HDAC8: variants seen among roughly 807,000 people sequenced by gnomAD.
HDAC8 encodes histone deacetylase 8, also known as histone deacetylase-like 1.
HDAC8 carries 1 observed loss-of-function variant against 32.2 expected under a neutral mutation model. That is an observed-to-expected ratio of 0.03 (90% CI 0.01 to 0.15). The LOEUF (loss-of-function observed/expected upper bound fraction) is 0.15. Among genes scored for constraint, HDAC8 ranks in the 10% least tolerant of loss-of-function variants. The pLI is 1.00. For synonymous variants in HDAC8, 108 were observed against 113.9 expected, an observed-to-expected ratio of 0.95 and a Z score of 0.33; for missense variants, 117 against 300.0, an observed-to-expected ratio of 0.39 and a Z score of 4.51.
chrX:72,493,914 C>G (rs2148140087), intron 5 of HDAC8, among the ~76,000 whole-genome samples: 1 of 111,264 alleles, frequency 9.0e-6, no homozygotes, highest in Admixed American at 9.6e-5. Flanking sequence ...GTCTCAAACT[C>G]ATGGTTTCAA....
intron 7 of HDAC8, chrX:72,467,344 A>C (rs1238628228): frequency 8.9e-6 from 1 of 111,827 alleles, no homozygotes; most frequent in Non-Finnish European, 1.9e-5. Flanking sequence ...AGAAGGGTAC[A>C]TGGGACTTCC....
chrX:72,476,233 C>G (rs1556000478), intron 7 of HDAC8, among the ~76,000 whole-genome samples: 1 of 110,120 alleles, frequency 9.1e-6, no homozygotes, highest in African/African-American at 3.3e-5. Flanking sequence ...ATGCAATGCT[C>G]TTGTTACTAA....
intron 5 of HDAC8, among the ~76,000 whole-genome samples, chrX:72,491,457 G>T (rs1191567744): frequency 2.7e-5 from 3 of 112,176 alleles, no homozygotes; most frequent in Non-Finnish European, 5.6e-5. Context: ...GACGTACAAC[G>T]TGATAACCCT....
chrX:72,502,218 T>C (rs60239435), intron 4 of HDAC8, among the ~76,000 whole-genome samples: 51,188 of 110,722 alleles, frequency 0.46, 11,008 homozygotes, highest in African/African-American at 0.84. Flanking sequence ...TATGGTGATT[T>C]CTCAAAGAGT....
chrX:72,543,472 G>T (rs558856203), intron 4 of HDAC8, among the ~76,000 whole-genome samples: 2 of 111,530 alleles, frequency 1.8e-5, no homozygotes, highest in Admixed American at 9.5e-5. Flanking sequence ...TGTGAATTGG[G>T]CCAAGAGGGT....
At chrX:72,508,425 A>C (rs2049462034) in intron 4 of HDAC8, among the ~76,000 whole-genome samples, 1 of 112,483 alleles carries the variant, frequency 8.9e-6, no homozygotes, top group South Asian at 3.7e-4. Context: ...CAGGGAAATT[A>C]AGTAACTTGT....
At chrX:72,563,966 C>G in intron 4 of HDAC8, among the ~76,000 whole-genome samples, 1 of 111,341 alleles carries the variant, frequency 9.0e-6, no homozygotes, top group East Asian at 2.8e-4. Context: ...TCGAGACCAG[C>G]CTGACCAACA....
chrX:72,355,418 C>T (rs782177387), intron 9 of HDAC8, among the ~76,000 whole-genome samples: 4 of 111,648 alleles, frequency 3.6e-5, no homozygotes, highest in South Asian at 7.6e-4. Flanking sequence ...CCTCTCTCCA[C>T]CCCTTCCCCT....
intron 4 of HDAC8, among the ~76,000 whole-genome samples, chrX:72,555,855 C>T (rs1556091500): frequency 8.9e-6 from 1 of 112,362 alleles, no homozygotes; most frequent in East Asian, 2.8e-4. Context: ...AGGAAAACTT[C>T]CCCAGCCTTG....
chrX:72,460,743 A>G (rs1424106368), intron 9 of HDAC8, among the ~76,000 whole-genome samples: 1 of 112,295 alleles, frequency 8.9e-6, no homozygotes, highest in African/African-American at 3.2e-5. Context: ...TTTCTGACAT[A>G]ACTTGATCAG....
intron 9 of HDAC8, 105 bp downstream of exon 9, chrX:72,461,899 T>A (rs191492324): frequency 1.1e-5 from 6 of 538,987 alleles, no homozygotes; most frequent in Non-Finnish European, 1.9e-5. Flanking sequence ...TATTGAAGTG[T>A]CTCTCAACAA....
intron 4 of HDAC8, among the ~76,000 whole-genome samples, chrX:72,553,234 C>T (rs1009241679): frequency 1.8e-5 from 2 of 110,759 alleles, no homozygotes; most frequent in Non-Finnish European, 3.8e-5. Context: ...TTAGTAGAGA[C>T]GGGGTTTCAC....
Position 72,351,769 on chromosome X carries a change from G to C in HDAC8, c.1075C>G (p.Pro359Ala). 1 of 1,210,285 alleles carries C rather than the reference G, an allele frequency of 8.3e-7. No homozygotes were observed. Among genetic ancestry groups the C allele is most frequent in the Non-Finnish European group, 1.1e-6 (1 of 894,015 alleles). Residue 359 changes from proline (P) to alanine (A), a missense_variant, in exon 10 of 11, where the codon CCC becomes GCC. This residue lies in a region of HDAC8 where 18 missense variants were observed against 25.7 expected (regional missense o/e 0.70). Coordinates refer to ENST00000373573, the MANE Select transcript of HDAC8 (RefSeq NM_018486.3). ...TTGAGGATTTGTTGGATTCGGTGGG[G>C]CTCATTGCGGTCTGGCCGGCAGCTT... The part of the protein sequence containing the change: ...TPSCRPDRNE[P>A]HRIQQILNYI...
At chrX:72,496,277 CATA>C (rs1206251241) in intron 4 of HDAC8, among the ~76,000 whole-genome samples, 2 of 110,496 alleles carry the variant, frequency 1.8e-5, no homozygotes, top group African/African-American at 6.6e-5. Flanking sequence ...AAATCTCTTC[CATA>C]ATAACATTTC....
chrX:72,413,644 G>T (rs112361912), intron 9 of HDAC8, among the ~76,000 whole-genome samples: 1 of 110,422 alleles, frequency 9.1e-6, no homozygotes, highest in East Asian at 2.9e-4. Flanking sequence ...TCATGGGGGC[G>T]GTTACCTCCA....
At chrX:72,535,215 T>C (rs782442659) in intron 4 of HDAC8, among the ~76,000 whole-genome samples, 17 of 112,054 alleles carry the variant, frequency 1.5e-4, no homozygotes, top group Admixed American at 5.7e-4. Flanking sequence ...AATGATGCTA[T>C]TTGTACCATT....
At chrX:72,377,419 GTTTA>G (rs2045115367) in intron 9 of HDAC8, among the ~76,000 whole-genome samples, 2 of 112,248 alleles carry the variant, frequency 1.8e-5, no homozygotes, top group Admixed American at 1.9e-4. Flanking sequence ...GCTCTAGTTG[GTTTA>G]TCACGTTGTC....
intron 4 of HDAC8, among the ~76,000 whole-genome samples, chrX:72,562,087 G>A (rs1489600770): frequency 1.8e-5 from 2 of 112,343 alleles, no homozygotes; most frequent in African/African-American, 6.5e-5. Context: ...TGGTGGGAAT[G>A]TAAACTAGTA....
At chrX:72,451,939 C>G (rs983416503) in intron 9 of HDAC8, among the ~76,000 whole-genome samples, 1 of 111,952 alleles carries the variant, frequency 8.9e-6, no homozygotes, top group Non-Finnish European at 1.9e-5. Context: ...AAACAGAGCC[C>G]AGCAATCTCA....
Sources: gnomAD v4.1 joint callset for allele counts (sites outside exome capture counted in the v4.1 genomes callset) on GRCh38, gnomAD v4.1.1 for gene constraint, gnomAD v4.1.1 regional missense constraint, MANE v1.5 for transcripts, NCBI Gene and HGNC (gene_info 2026-07-23, HGNC 2026-07-21) for gene names.